The following ADCK1 variants were observed in gnomAD, a reference collection of about 807,000 sequenced individuals.
ADCK1 encodes aarF domain-containing protein kinase 1.
In ADCK1, 41 loss-of-function variants were observed where a neutral mutation model predicts 52.3. That is an observed-to-expected ratio of 0.78 (90% confidence interval 0.61 to 1.02). ADCK1 has a LOEUF of 1.02. ADCK1 is among the 50% of genes least tolerant of loss of function. The pLI is 0.00. For missense variants in ADCK1, 658 were observed against 679.5 expected, an observed-to-expected ratio of 0.97 and a Z score of 0.35; for synonymous variants, 250 against 274.6, an observed-to-expected ratio of 0.91 and a Z score of 0.89.
chr14:77,934,482 C>A lies in ADCK1; in HGVS notation c.*1091C>A, dbSNP rs78758233. 0.11 allele frequency: 17,096 copies of A among 152,144 alleles called. 1,100 individuals carry two copies. The highest frequency in any genetic ancestry group is 0.16 in the Middle Eastern group (48 of 294). The allele number at this position is 152,144 out of a possible 1,614,324, so 9.4% of individuals were successfully genotyped here. The stretch of plus-strand genomic sequence containing the variant: ...GCCTGGAATTCTACTTGTCTCCCCC[C>A]AGTCCTTCTGGAGACCTTAGTCCTC... On this transcript the variant is annotated 3_prime_UTR_variant, in exon 11 of 11. Transcript: ENST00000238561.
chr14:77,802,679 G>A (rs1001240351), intron 1 of ADCK1, among the ~76,000 whole-genome samples: 1 of 152,118 alleles, frequency 6.6e-6, no homozygotes, highest in Non-Finnish European at 1.5e-5. Context: ...AGCCGGGCGC[G>A]GTGGCTCACG....
intron 4 of ADCK1, among the ~76,000 whole-genome samples, chr14:77,883,408 G>C (rs2083077792): frequency 7.0e-6 from 1 of 143,798 alleles, no homozygotes; most frequent in Admixed American, 7.1e-5. Flanking sequence ...CTGCATGGGG[G>C]GTATAATTCT....
chr14:77,851,062 T>G (rs544320057), intron 3 of ADCK1, among the ~76,000 whole-genome samples: 6 of 152,240 alleles, frequency 3.9e-5, no homozygotes, highest in African/African-American at 1.4e-4. Context: ...CTCCGTACAT[T>G]TAACCTATTT....
chr14:77,859,806 A>G (rs1186578018), intron 4 of ADCK1, among the ~76,000 whole-genome samples: 2 of 152,240 alleles, frequency 1.3e-5, no homozygotes, highest in East Asian at 1.9e-4. Context: ...GGTGCTTAGT[A>G]TAGTACCTGA....
chr14:77,880,476 A>T (rs913899164), intron 4 of ADCK1, among the ~76,000 whole-genome samples: 49 of 152,262 alleles, frequency 3.2e-4, no homozygotes, highest in African/African-American at 1.1e-3. Flanking sequence ...ATGGAAGACA[A>T]GGTCGGCGTG....
chr14:77,902,143 A>G (rs572086122), intron 6 of ADCK1, among the ~76,000 whole-genome samples: 1 of 152,322 alleles, frequency 6.6e-6, no homozygotes, highest in South Asian at 2.1e-4. Context: ...CTCCTGATTG[A>G]CTAACAGGGA....
chr14:77,831,766 T>A (rs2081855594), intron 3 of ADCK1, among the ~76,000 whole-genome samples: 1 of 152,004 alleles, frequency 6.6e-6, no homozygotes. Context: ...CCTGCAACCT[T>A]TAGAACCATG....
intron 5 of ADCK1, among the ~76,000 whole-genome samples, chr14:77,895,582 T>C (rs60795870): frequency 0.012 from 1,873 of 152,296 alleles, 37 homozygotes; most frequent in African/African-American, 0.043. Context: ...TTTTAGTTGA[T>C]TGCATGTGTT....
intron 1 of ADCK1, among the ~76,000 whole-genome samples, chr14:77,813,929 G>T (rs1002234798): frequency 6.6e-6 from 1 of 151,060 alleles, no homozygotes; most frequent in Non-Finnish European, 1.5e-5. Flanking sequence ...CACAACACCC[G>T]GCTAACTTTT....
chr14:77,837,657 G>C (rs545671246), intron 3 of ADCK1, among the ~76,000 whole-genome samples: 2 of 152,148 alleles, frequency 1.3e-5, no homozygotes, highest in Admixed American at 1.3e-4. Context: ...GAGCTCCCAG[G>C]GTTCCTCCAG....
chr14:77,901,628 G>C (rs2083547278), intron 6 of ADCK1, among the ~76,000 whole-genome samples: 1 of 152,060 alleles, frequency 6.6e-6, no homozygotes, highest in South Asian at 2.1e-4. Context: ...GACCTCAAAT[G>C]ATCCGCCTGC....
At chr14:77,927,894 C>T (rs1040877995) in intron 9 of ADCK1, among the ~76,000 whole-genome samples, 7 of 152,210 alleles carry the variant, frequency 4.6e-5, no homozygotes, top group African/African-American at 1.2e-4. Flanking sequence ...AACTAATTCT[C>T]AGCACAAAAC....
chr14:77,881,546 A>G lies in ADCK1; in HGVS notation c.424-5545A>G, dbSNP rs535670784. Among the ~76,000 whole-genome samples, 105 of 152,274 alleles carry G rather than the reference A, an allele frequency of 6.9e-4. 1 individual carries two copies. Among genetic ancestry groups the G allele is most frequent in the African/African-American group, 2.3e-3 (97 of 41,550 alleles). ...ATTATGGACATGTTTTATTTAGTTA[A>G]TTAATTAATTTTTAACATCCAGTTG... On this transcript the variant is annotated intron_variant, in intron 4 of 10. Coordinates refer to ENST00000238561, the MANE Select transcript of ADCK1 (RefSeq NM_020421.4).
At position 77,835,882 on chromosome 14, in the gene ADCK1, T is replaced by C. The variant is rs191243646; in HGVS notation, c.219+13364T>C. On this transcript the variant is annotated intron_variant, in intron 3 of 10. Coordinates refer to ENST00000238561, the MANE Select transcript of ADCK1 (RefSeq NM_020421.4). ...AACTCCTGAGCTCAAACATTCCCCC[T>C]GCTTCGGCCTCCCAAAGTGCTGGGA... is the stretch of plus-strand genomic sequence containing the variant. Among the ~76,000 whole-genome samples, 204 of 152,300 alleles carry C rather than the reference T, an allele frequency of 1.3e-3. 1 individual carries two copies. Among genetic ancestry groups the C allele is most frequent in the African/African-American group, 4.4e-3 (184 of 41,562 alleles).
At chr14:77,872,460 A>G (rs1452175726) in intron 4 of ADCK1, among the ~76,000 whole-genome samples, 1 of 152,092 alleles carries the variant, frequency 6.6e-6, no homozygotes, top group Non-Finnish European at 1.5e-5. Context: ...GTTCCCTAAA[A>G]GCCAATCATA....
chr14:77,805,757 G>GAGT (rs1394394235), intron 1 of ADCK1, among the ~76,000 whole-genome samples: 1 of 151,958 alleles, frequency 6.6e-6, no homozygotes, highest in Non-Finnish European at 1.5e-5. Flanking sequence ...AGGGAATTGA[G>GAGT]AGTTAGACCA....
intron 4 of ADCK1, among the ~76,000 whole-genome samples, chr14:77,860,362 A>G (rs1208707680): frequency 2.6e-5 from 4 of 152,242 alleles, no homozygotes; most frequent in African/African-American, 9.6e-5. Context: ...TTGTTAGGCT[A>G]CTTGGCGCAG....
intron 7 of ADCK1, among the ~76,000 whole-genome samples, chr14:77,912,433 CGTGTGTGTGTGTGTGTGTGTGT>C (rs57555913): frequency 2.2e-5 from 3 of 138,170 alleles, no homozygotes; most frequent in East Asian, 2.2e-4. Flanking sequence ...TACGGAGGAG[CGTGTGTGTGTGTGTGTGTGTGT>C]GTGTGTGTGT....
At chr14:77,895,615 A>G (rs1457420989) in intron 5 of ADCK1, among the ~76,000 whole-genome samples, 2 of 152,236 alleles carry the variant, frequency 1.3e-5, no homozygotes, top group African/African-American at 4.8e-5. Flanking sequence ...AATTGAAATG[A>G]ATCTGCTTAA....
Sources: allele counts gnomAD v4.1 joint callset (sites outside exome capture counted in the v4.1 genomes callset), GRCh38; gene constraint gnomAD v4.1.1; transcripts MANE v1.5; gene names NCBI Gene and HGNC (gene_info 2026-07-23, HGNC 2026-07-21).